LRRC24: variants seen among roughly 807,000 people sequenced by gnomAD.
LRRC24 encodes the protein leucine rich repeat containing 24.
Under a neutral mutation model 15.3 loss-of-function variants are expected in LRRC24, and 19 were observed. The observed-to-expected ratio is 1.25, with a 90% CI of 0.87 to 1.83. LRRC24 has a LOEUF of 1.83. Ranked by LOEUF, LRRC24 falls within the 40% of genes most tolerant of loss-of-function variation. LRRC24 has a pLI of 0.00. For synonymous variants in LRRC24, 469 were observed against 359.6 expected, an observed-to-expected ratio of 1.30 and a Z score of -3.44; for missense variants, 914 against 723.9, an observed-to-expected ratio of 1.26 and a Z score of -3.01.
intron 4 of LRRC24, 107 bp downstream of exon 4, chr8:144,524,003 C>G: frequency 1.5e-6 from 2 of 1,351,740 alleles, no homozygotes; most frequent in Non-Finnish European, 2.0e-6. Flanking sequence ...GTGCAGCCTT[C>G]CAGACTGCTG....
At position 144,523,592 on chromosome 8, in the gene LRRC24, C is replaced by T. The variant is rs150586326; in HGVS notation, c.608-183G>A. 1,024 of 899,534 alleles carry T rather than the reference C, an allele frequency of 1.1e-3. 17 individuals are homozygous for T. The African/African-American group carries it at 0.015, about 13-fold the overall frequency. The allele number at this position is 899,534 out of a possible 1,614,324, so 55.7% of individuals were successfully genotyped here. ...TCCTTGGGGCGGCAGGCCCTTCACC[C>T]TCGCCCCCCTCCCCTTTAGCTCTGT... is the stretch of plus-strand genomic sequence containing the variant. On this transcript the variant is annotated intron_variant, in intron 4 of 4. Coordinates refer to ENST00000529415, the MANE Select transcript of LRRC24 (RefSeq NM_001024678.4).
Position 144,522,695 on chromosome 8 carries a change from TC to T in LRRC24, c.1321del (p.Glu441ArgfsTer19). Reference protein sequence around the residue: ...RRKKARGPPGEGALFVNDYLD... With the variant: ...RRKKARGPPGXGALFVNDYLD... ...GTAGTCGTTGACGAACAGCGCTCCC[TC>T]CCCCGGAGGCCCCCGCGCCTTTTTT... On this transcript the variant is annotated frameshift_variant, in exon 5 of 5. Coordinates refer to ENST00000529415, the MANE Select transcript of LRRC24 (RefSeq NM_001024678.4). LOFTEE classifies it low-confidence loss of function (END_TRUNC). 2 of 1,595,616 alleles carry T rather than the reference TC, an allele frequency of 1.3e-6. No homozygotes were observed. Among genetic ancestry groups the T allele is most frequent in the South Asian group, 1.1e-5 (1 of 88,688 alleles).
At chr8:144,523,580 A>T in intron 4 of LRRC24, 171 bp from the exon 5 acceptor site, 1 of 1,091,534 alleles carries the variant, frequency 9.2e-7, no homozygotes, top group Non-Finnish European at 1.2e-6. Context: ...TTGGGGCGGC[A>T]GGCCCTTCAC....
chr8:144,524,777 G>T, intron 2 of LRRC24, 39 bp downstream of exon 2: 1 of 1,435,778 alleles, frequency 7.0e-7, no homozygotes, highest in Non-Finnish European at 9.1e-7. Flanking sequence ...CCTCTCCCTG[G>T]GGGCACCCCG....
chr8:144,523,972 C>A (rs1027210297), intron 4 of LRRC24, 138 bp downstream of exon 4: 4 of 1,007,754 alleles, frequency 4.0e-6, no homozygotes, highest in Admixed American at 4.6e-5. Context: ...CCGCAGCCCT[C>A]CAGTGTGGCT....
In LRRC24 at chr8:144,526,945, C is replaced by T. The variant is rs1816385117; in HGVS notation, c.-60+15G>A. 6.6e-6 allele frequency: 1 copy of T among 151,780 alleles called. No individual in the cohort carries two copies. The highest frequency in any genetic ancestry group is 1.9e-4 in the East Asian group (1 of 5,186). 9.4% of individuals were successfully genotyped at this position (151,780 alleles called of 1,614,324 possible). On this transcript the variant is annotated intron_variant, in intron 1 of 4. Transcript: ENST00000529415. ...GCCCCCACGCCTGGTGACCTTGGGTCGGGCGTCCCCTCACCTGACGCTCCC... is the reference window on the plus strand; with the variant it reads ...GCCCCCACGCCTGGTGACCTTGGGTTGGGCGTCCCCTCACCTGACGCTCCC...
chr8:144,523,422 A>G lies in LRRC24; in HGVS notation c.608-13T>C. 6.6e-7 allele frequency: 1 copy of G among 1,515,130 alleles called. No homozygotes were observed. The highest frequency in any genetic ancestry group is 8.8e-7 in the Non-Finnish European group (1 of 1,132,736). The allele number at this position is 1,515,130 out of a possible 1,614,324, so 93.9% of individuals were successfully genotyped here. On this transcript the variant is annotated splice_polypyrimidine_tract_variant and intron_variant, in intron 4 of 4. Transcript: ENST00000529415. ...CGCCATGGGTTCTCTGTGGGAGAGCAGCGTTAGGCAGGTGGCTTGAGGGTG... is the reference window on the plus strand; with the variant it reads ...CGCCATGGGTTCTCTGTGGGAGAGCGGCGTTAGGCAGGTGGCTTGAGGGTG...
At chr8:144,523,632 AC>A in intron 4 of LRRC24, 1 of 559,974 alleles carries the variant, frequency 1.8e-6, no homozygotes. Flanking sequence ...CCTGCCTGTT[AC>A]AGATCACTTC....
In LRRC24 at chr8:144,524,546, G is replaced by C. The variant is rs753250152; in HGVS notation, c.333C>G (p.Arg111=). The C allele has an allele frequency of 1.0e-5, 16 of 1,581,882 alleles. No individual in the cohort carries two copies. Among genetic ancestry groups the C allele is most frequent in the Non-Finnish European group, 1.4e-5 (16 of 1,172,480 alleles). Residue 111 remains arginine, a synonymous_variant, in exon 3 of 5, where the codon CGC becomes CGG. Transcript: ENST00000529415. The part of the protein sequence containing the change: ...LELALTSNRL[R]GLRSGAFVGL... ...CTACGAAGGCGCCGCTGCGCAAGCC[G>C]CGCAGCCGGTTGCTAGTGAGCGCCA...
chr8:144,524,153 C>T lies in LRRC24; in HGVS notation c.564G>A (p.Glu188=). 1.2e-6 allele frequency: 2 copies of T among 1,610,000 alleles called. No homozygotes were observed. The highest frequency in any genetic ancestry group is 1.7e-6 in the Non-Finnish European group (2 of 1,177,964). ...GCAGACTGGCCAGGGGCTGCAGGGC[C>T]TCTCGGCTGATGGTGCCCAGCTGGT... ...SRNQLGTISR[E]ALQPLASLQV... Residue 188 remains glutamate (E), a synonymous_variant, in exon 4 of 5, where the codon GAG becomes GAA. Coordinates refer to ENST00000529415, the MANE Select transcript of LRRC24 (RefSeq NM_001024678.4).
Position 144,523,368 on chromosome 8 carries a change from C to A in LRRC24, c.649G>T (p.Ala217Ser). 1 of 1,574,242 alleles carries A rather than the reference C, an allele frequency of 6.4e-7. No individual in the cohort carries two copies. The highest frequency in any genetic ancestry group is 8.6e-7 in the Non-Finnish European group (1 of 1,157,494). Residue 217 changes from alanine to serine, a missense_variant, in exon 5 of 5, where the codon GCC (alanine) becomes TCC (serine). By Grantham distance (99) the Ala-to-Ser change is moderately conservative (BLOSUM62 1). Transcript: ENST00000529415. ...CGCTGGCCGCCCTCCTTGATCCAGG[C>A]ACCCAGCCAGTGCAGGGCGCAGTCA... ...RCDCALHWLGAWIKEGGQRLL... is the reference protein window; with the variant it reads ...RCDCALHWLGSWIKEGGQRLL...
intron 1 of LRRC24, chr8:144,525,783 G>A (rs780172603): frequency 7.9e-5 from 12 of 152,182 alleles, no homozygotes; most frequent in Non-Finnish European, 1.5e-5. Flanking sequence ...GGGATAGATG[G>A]GGCCCTGGGA....
chr8:144,524,750 C>A (rs1476513662), intron 2 of LRRC24, 31 bp from the exon 3 acceptor site: 1 of 1,439,598 alleles, frequency 6.9e-7, no homozygotes, highest in African/African-American at 1.5e-5. Context: ...AGGCGCTTAC[C>A]CCGTTGCGGG....
At position 144,523,412 on chromosome 8, in the gene LRRC24, G is replaced by T; in HGVS notation, c.608-3C>A. On this transcript the variant is annotated splice_region_variant and splice_polypyrimidine_tract_variant and intron_variant, in intron 4 of 4. Coordinates refer to ENST00000529415, the MANE Select transcript of LRRC24 (RefSeq NM_001024678.4). The stretch of plus-strand genomic sequence containing the variant: ...GCAGTCACAGCGCCATGGGTTCTCT[G>T]TGGGAGAGCAGCGTTAGGCAGGTGG... 2.0e-6 allele frequency: 3 copies of T among 1,523,568 alleles called. No individual in the cohort carries two copies. The highest frequency in any genetic ancestry group is 2.6e-6 in the Non-Finnish European group (3 of 1,136,452). 94.4% of individuals were successfully genotyped at this position (1,523,568 alleles called of 1,614,324 possible). A position where few individuals can be genotyped will look rare whatever the true frequency, so the allele number is the denominator to read the frequency against.
rs1432590494 is a variant in LRRC24, at chr8:144,524,155, C to T, written c.562G>A (p.Glu188Lys). ...SRNQLGTISR[E>K]ALQPLASLQV... ...AGACTGGCCAGGGGCTGCAGGGCCT[C>T]TCGGCTGATGGTGCCCAGCTGGTTC... The change falls in exon 4 of 5, where the codon GAG becomes AAG. Residue 188 changes from glutamate (E) to lysine (K), a missense_variant. By Grantham distance (56) the Glu-to-Lys change is moderately conservative. Transcript: ENST00000529415. 6.8e-6 allele frequency: 11 copies of T among 1,609,926 alleles called. No individual in the cohort carries two copies. Among genetic ancestry groups the T allele is most frequent in the Non-Finnish European group, 9.3e-6 (11 of 1,177,978 alleles).
chr8:144,524,506 G>T lies in LRRC24; in HGVS notation c.373C>A (p.Arg125Ser). The change falls in exon 3 of 5, where the codon CGC becomes AGC. Residue 125 changes from arginine to serine, a missense_variant. Coordinates refer to ENST00000529415, the MANE Select transcript of LRRC24 (RefSeq NM_001024678.4). ...SGAFVGLAQL[R>S]VLYLAGNQLA... ...TGGTTGCCCGCCAGGTAGAGCACGC[G>T]CAGCTGGGCCAGGCCTACGAAGGCG... 1.3e-6 allele frequency: 2 copies of T among 1,596,466 alleles called. No individual in the cohort carries two copies. The highest frequency in any genetic ancestry group is 1.7e-6 in the Non-Finnish European group (2 of 1,179,376).
In LRRC24 at chr8:144,522,890, G is replaced by C. The variant is rs770798635; in HGVS notation, c.1127C>G (p.Pro376Arg). The change falls in exon 5 of 5, where the codon CCG (proline) becomes CGG (arginine). Residue 376 changes from proline to arginine, a missense_variant. By Grantham distance (103) the Pro-to-Arg change is moderately radical (BLOSUM62 -2). Coordinates refer to ENST00000529415, the MANE Select transcript of LRRC24 (RefSeq NM_001024678.4). ...RQQPQQPAQP[P>R]PPAARPAGSE... ...GCCGGCGGGGCGGGCGGCCGGAGGC[G>C]GCGGTTGCGCGGGCTGCTGCGGCTG... 172 of 1,280,628 alleles carry C rather than the reference G, an allele frequency of 1.3e-4. No homozygotes were observed. The South Asian group carries it at 3.8e-3, about 28-fold the overall frequency. The allele number at this position is 1,280,628 out of a possible 1,614,324, so 79.3% of individuals were successfully genotyped here. A position where few individuals can be genotyped will look rare whatever the true frequency, so the allele number is the denominator to read the frequency against.
In LRRC24 at chr8:144,523,112, C is replaced by T; in HGVS notation, c.905G>A (p.Gly302Asp). Residue 302 changes from glycine to aspartate, a missense_variant, in exon 5 of 5, where the codon GGC becomes GAC. Transcript: ENST00000529415. ...TWRKVPQPRE[G>D]RPRAQAQLEG... ...TAGCTGGGCCTGGGCTCGCGGCCGGCCCTCGCGAGGCTGGGGCACCTTTCT... is the reference window on the plus strand; with the variant it reads ...TAGCTGGGCCTGGGCTCGCGGCCGGTCCTCGCGAGGCTGGGGCACCTTTCT... 1 of 1,609,368 alleles carries T rather than the reference C, an allele frequency of 6.2e-7. No homozygotes were observed. The highest frequency in any genetic ancestry group is 1.3e-5 in the African/African-American group (1 of 75,052).
chr8:144,524,329 C>T, intron 3 of LRRC24, 51 bp from the exon 4 acceptor site: 1 of 1,601,490 alleles, frequency 6.2e-7, no homozygotes. Flanking sequence ...AGGTTGGGGG[C>T]ATGTCTCTCT....
Sources: gnomAD v4.1 joint callset for allele counts on GRCh38, gnomAD v4.1.1 for gene constraint, MANE v1.5 for transcripts, NCBI Gene and HGNC (gene_info 2026-07-23, HGNC 2026-07-21) for gene names.